PSTPIP2: variants seen among roughly 807,000 people sequenced by gnomAD.
PSTPIP2 encodes proline-serine-threonine phosphatase interacting protein 2, also known as proline-serine-threonine phosphatase-interacting protein 2.
A neutral mutation model predicts 63.3 loss-of-function variants in PSTPIP2; 33 were observed. That is an observed-to-expected ratio of 0.52 (90% CI 0.40 to 0.70). The LOEUF (loss-of-function observed/expected upper bound fraction) is 0.70, where lower values mean the gene tolerates loss of function less well. Among genes scored for constraint, PSTPIP2 ranks in the 30% least tolerant of loss-of-function variants. The probability of loss-of-function intolerance (pLI) is 0.00; values close to 1 mark genes in which losing one functional copy is unlikely to be tolerated. For synonymous variants in PSTPIP2, 125 were observed against 132.7 expected (o/e 0.94, Z 0.40); for missense variants, 312 against 400.7 (o/e 0.78, Z 1.89).
chr18:46,018,214 T>A (rs1350639102), intron 3 of PSTPIP2, among the ~76,000 whole-genome samples: 2 of 152,178 alleles, frequency 1.3e-5, no homozygotes, highest in East Asian at 3.8e-4. Flanking sequence ...TTATTGCTTC[T>A]GTTGACACCC....
intron 1 of PSTPIP2, among the ~76,000 whole-genome samples, chr18:46,051,201 T>C (rs1908570162): frequency 6.6e-6 from 1 of 151,996 alleles, no homozygotes; most frequent in African/African-American, 2.4e-5. Flanking sequence ...TAAGGCCGGG[T>C]GCAGTGGCTC....
chr18:46,008,637 G>A (rs965415030), intron 5 of PSTPIP2, among the ~76,000 whole-genome samples: 2 of 152,048 alleles, frequency 1.3e-5, no homozygotes, highest in African/African-American at 4.8e-5. Flanking sequence ...TGGAAGCATC[G>A]CCTCTGTAAC....
Position 46,015,917 on chromosome 18 carries a change from T to A in PSTPIP2, c.233A>T (p.Glu78Val), listed in dbSNP as rs761802945. 6.2e-6 allele frequency: 10 copies of A among 1,612,470 alleles called. No homozygotes were observed. The highest frequency in any genetic ancestry group is 8.5e-6 in the Non-Finnish European group (10 of 1,179,170). Residue 78 changes from glutamate (E) to valine (V), a missense_variant, in exon 4 of 15, where the codon GAA (glutamate) becomes GTA (valine). Glu to Val is a moderately radical substitution (Grantham distance 121). Transcript: ENST00000409746. The part of the protein sequence containing the change: ...SEINTLKRAL[E>V]VFKQQVDNVA... ...AAATCACTTACGCTGCTTGAAGACT[T>A]CAAGGGCCCGCTTCAGGGTGCTAAA...
intron 1 of PSTPIP2, among the ~76,000 whole-genome samples, chr18:46,043,630 C>G (rs1269134315): frequency 1.3e-5 from 2 of 152,242 alleles, no homozygotes; most frequent in East Asian, 3.9e-4. Context: ...TACTTCTATT[C>G]AACACACTGA....
intron 1 of PSTPIP2, among the ~76,000 whole-genome samples, chr18:46,049,139 T>A (rs1279571847): frequency 6.6e-6 from 1 of 151,336 alleles, no homozygotes; most frequent in Non-Finnish European, 1.5e-5. Flanking sequence ...TCTACTATAT[T>A]TACAAGAGTA....
chr18:46,046,519 G>A (rs1908390787), intron 1 of PSTPIP2, among the ~76,000 whole-genome samples: 1 of 152,216 alleles, frequency 6.6e-6, no homozygotes, highest in Non-Finnish European at 1.5e-5. Context: ...CTGGAGTGGG[G>A]CATGGCAGTC....
intron 1 of PSTPIP2, among the ~76,000 whole-genome samples, chr18:46,046,778 C>A: frequency 6.6e-6 from 1 of 152,224 alleles, no homozygotes; most frequent in East Asian, 1.9e-4. Flanking sequence ...GTTTAAAAAA[C>A]CTCCAATCTT....
At chr18:46,067,102 A>G (rs1410809004) in intron 1 of PSTPIP2, among the ~76,000 whole-genome samples, 1 of 151,964 alleles carries the variant, frequency 6.6e-6, no homozygotes, top group Non-Finnish European at 1.5e-5. Flanking sequence ...CAAAGAATGT[A>G]TGGGAGAGCA....
rs2051662232 is a variant in PSTPIP2 at position 46,001,187 on chromosome 18, C to T, written c.418-1653G>A. ...ATCTCCATACTGTTCTCCATAGTGG[C>T]TGTACTAGTTTACATTCCCACCAAC... On this transcript the variant is annotated intron_variant, in intron 6 of 14. Coordinates refer to ENST00000409746, the MANE Select transcript of PSTPIP2 (RefSeq NM_024430.4). Among the ~76,000 whole-genome samples the T allele has an allele frequency of 3.3e-5, 5 of 152,162 alleles. No individual in the cohort carries two copies. The South Asian group carries it at 1.0e-3, about 32-fold the overall frequency.
chr18:46,044,352 T>C (rs774888784), intron 1 of PSTPIP2, among the ~76,000 whole-genome samples: 37 of 152,108 alleles, frequency 2.4e-4, no homozygotes, highest in Non-Finnish European at 4.0e-4. Flanking sequence ...GAAATAACAC[T>C]GCATATCTAC....
intron 2 of PSTPIP2, among the ~76,000 whole-genome samples, chr18:46,038,452 G>T (rs955924856): frequency 6.6e-6 from 1 of 152,128 alleles, no homozygotes; most frequent in Non-Finnish European, 1.5e-5. Flanking sequence ...GTATTCCAAG[G>T]CCATTTCATT....
At chr18:46,028,837 G>T (rs2144100636) in intron 2 of PSTPIP2, 1 of 1,577,710 alleles carries the variant, frequency 6.3e-7, no homozygotes. Flanking sequence ...TGATGAAAGT[G>T]AAGAGGATGA....
At chr18:46,010,559 CTT>C (rs1341667827) in intron 5 of PSTPIP2, among the ~76,000 whole-genome samples, 1 of 152,212 alleles carries the variant, frequency 6.6e-6, no homozygotes. Flanking sequence ...CTAACTAACA[CTT>C]TGATATAAAC....
At chr18:46,019,727 G>A (rs1470741130) in intron 3 of PSTPIP2, among the ~76,000 whole-genome samples, 6 of 152,132 alleles carry the variant, frequency 3.9e-5, no homozygotes, top group Non-Finnish European at 7.4e-5. Context: ...TTTGAACCCC[G>A]GAAGCAGAGG....
intron 1 of PSTPIP2, among the ~76,000 whole-genome samples, chr18:46,065,420 T>C (rs955403805): frequency 3.9e-5 from 6 of 152,050 alleles, no homozygotes; most frequent in African/African-American, 1.4e-4. Context: ...GCCTCCCAAG[T>C]AGCTGAGTAC....
chr18:46,044,448 T>C (rs1908307503), intron 1 of PSTPIP2, among the ~76,000 whole-genome samples: 1 of 152,198 alleles, frequency 6.6e-6, no homozygotes, highest in Non-Finnish European at 1.5e-5. Context: ...GAAAACTGGC[T>C]AGCCATATGT....
intron 5 of PSTPIP2, among the ~76,000 whole-genome samples, chr18:46,009,940 G>C (rs1228116642): frequency 6.6e-6 from 1 of 152,218 alleles, no homozygotes; most frequent in Non-Finnish European, 1.5e-5. Flanking sequence ...CCTCAAACCT[G>C]ATACATCAAG....
chr18:45,998,722 C>G, intron 8 of PSTPIP2, 72 bp downstream of exon 8: 1 of 1,482,728 alleles, frequency 6.7e-7, no homozygotes, highest in South Asian at 1.2e-5. Context: ...AACTCCCTTT[C>G]TCAGGGACAC....
intron 14 of PSTPIP2, among the ~76,000 whole-genome samples, chr18:45,985,677 T>G (rs190788718): frequency 6.6e-6 from 1 of 152,360 alleles, no homozygotes; most frequent in East Asian, 1.9e-4. Flanking sequence ...ATTTGAAATT[T>G]TTAATCTATC....
Sources: gnomAD v4.1 joint callset for allele counts (sites outside exome capture counted in the v4.1 genomes callset) on GRCh38, gnomAD v4.1.1 for gene constraint, MANE v1.5 for transcripts, NCBI Gene and HGNC (gene_info 2026-07-23, HGNC 2026-07-21) for gene names.